Variants in PCDHGB2 observed in about 807,000 individuals in gnomAD.
The protein encoded by PCDHGB2 is protocadherin gamma-B2.
Under a neutral mutation model 59.3 loss-of-function variants are expected in PCDHGB2, and 55 were observed. The ratio of observed to expected loss-of-function variants is 0.93; its 90% CI spans 0.75 to 1.16. The LOEUF is 1.16. Ranked by LOEUF, PCDHGB2 falls within the 50% of genes most tolerant of loss-of-function variation. The pLI, the probability that PCDHGB2 is intolerant of heterozygous loss-of-function variation, is 0.00. For missense variants in PCDHGB2, 1,228 were observed against 1,198.5 expected, an observed-to-expected ratio of 1.02 and a Z score of -0.36; for synonymous variants, 516 against 512.0, an observed-to-expected ratio of 1.01 and a Z score of -0.11.
At position 141,476,638 on chromosome 5, in the gene PCDHGB2, G is replaced by A. The variant is rs997136356; in HGVS notation, c.2422-18169G>A. On this transcript the variant is annotated intron_variant, in intron 1 of 3. Transcript: ENST00000522605. This position sits in a 1 kb window ranked among gnomAD's most constrained non-coding sequence, Gnocchi z 7.6. ...GCAACTCTTTACAAACCTATGAGCT[G>A]AGCCGAAATGAATACTTTGCGCTTC... 1.9e-6 allele frequency: 3 copies of A among 1,614,268 alleles called. No homozygotes were observed. Among genetic ancestry groups the A allele is most frequent in the Middle Eastern group, 1.6e-4 (1 of 6,062 alleles).
chr5:141,482,728 A>T (rs192207285), intron 1 of PCDHGB2, among the ~76,000 whole-genome samples: 97 of 128,396 alleles, frequency 7.6e-4, no homozygotes, highest in Admixed American at 3.3e-3. Context: ...GGGCCATTGC[A>T]AGAAATTCCA....
chr5:141,397,816 A>G (rs1403683863), intron 1 of PCDHGB2, among the ~76,000 whole-genome samples: 2 of 152,230 alleles, frequency 1.3e-5, no homozygotes, highest in African/African-American at 4.8e-5. Context: ...CACAAAAACA[A>G]TTACTGCACT....
At chr5:141,453,311 A>C (rs2098762053) in intron 1 of PCDHGB2, among the ~76,000 whole-genome samples, 1 of 151,602 alleles carries the variant, frequency 6.6e-6, no homozygotes, top group African/African-American at 2.4e-5. Flanking sequence ...TTATTTATTT[A>C]TTTTAGAGAT....
Position 141,409,997 on chromosome 5 carries a change from G to A in PCDHGB2, c.2421+47441G>A. 1.9e-6 allele frequency: 3 copies of A among 1,613,224 alleles called. No homozygotes were observed. The African/African-American group carries it at 4.0e-5, about 22-fold the overall frequency. ...GGTGGTAGCGGTGGACGCCGACTCG[G>A]GACACAACGCCTGGCTGTCCTACCA... On this transcript the variant is annotated intron_variant, in intron 1 of 3. Coordinates refer to ENST00000522605, the MANE Select transcript of PCDHGB2 (RefSeq NM_018923.3).
In PCDHGB2 at chr5:141,408,826, T is replaced by C. The variant is rs138252575; in HGVS notation, c.2421+46270T>C. ...TAGACCGGGAAGAACAGAGATCTCA[T>C]AGCTTGATATTGACTGCCTTGGACG... On this transcript the variant is annotated intron_variant, in intron 1 of 3. Coordinates refer to ENST00000522605, the MANE Select transcript of PCDHGB2 (RefSeq NM_018923.3). The C allele has an allele frequency of 6.1e-5, 98 of 1,613,582 alleles. No homozygotes were observed. The African/African-American group carries it at 9.9e-4, about 16-fold the overall frequency.
chr5:141,475,951 G>A, intron 1 of PCDHGB2: 4 of 766,902 alleles, frequency 5.2e-6, no homozygotes, highest in South Asian at 1.9e-5. Flanking sequence ...CCCTTTCTGC[G>A]CCCCGGGATG....
chr5:141,428,392 T>A, intron 1 of PCDHGB2: 1 of 497,196 alleles, frequency 2.0e-6, no homozygotes, highest in Admixed American at 3.1e-5. Flanking sequence ...TTCCAGCCCC[T>A]CTGCCTGGGG....
chr5:141,385,095 G>A (rs1780850874), intron 1 of PCDHGB2: 9 of 1,614,202 alleles, frequency 5.6e-6, no homozygotes, highest in East Asian at 4.5e-5. Context: ...AAGGTGGCTT[G>A]GCGAACGTGC....
chr5:141,422,686 C>T, intron 1 of PCDHGB2: 1 of 1,605,000 alleles, frequency 6.2e-7, no homozygotes, highest in East Asian at 2.2e-5. Flanking sequence ...ACAGAATGCC[C>T]TGGTCACTTA....
chr5:141,425,836 C>T (rs568578402), intron 1 of PCDHGB2, among the ~76,000 whole-genome samples: 1 of 152,344 alleles, frequency 6.6e-6, no homozygotes, highest in East Asian at 1.9e-4. Context: ...TTTAAATTCT[C>T]TTTGCTGGGT....
At chr5:141,504,384 C>G (rs2099837898) in intron 2 of PCDHGB2, among the ~76,000 whole-genome samples, 1 of 152,026 alleles carries the variant, frequency 6.6e-6, no homozygotes, top group South Asian at 2.1e-4. Flanking sequence ...GAGTCGCTGC[C>G]TCACAGAAGC....
intron 1 of PCDHGB2, among the ~76,000 whole-genome samples, chr5:141,465,966 C>T (rs904439039): frequency 5.3e-5 from 8 of 151,802 alleles, no homozygotes; most frequent in Non-Finnish European, 1.0e-4. Context: ...ACTAAAAATA[C>T]AAAAAATTAG....
In PCDHGB2 at chr5:141,375,370, A is replaced by T. The variant is rs772477616; in HGVS notation, c.2421+12814A>T. ...CTGTGACAGCCACGGACAAAGGAAC[A>T]CCACCTCTGTCTACAGAAACAATCA... On this transcript the variant is annotated intron_variant, in intron 1 of 3. Transcript: ENST00000522605. The T allele has an allele frequency of 2.5e-6, 4 of 1,613,890 alleles. No individual in the cohort carries two copies. In the South Asian group the frequency reaches 4.4e-5, roughly 18 times the overall value.
At chr5:141,395,498 C>T (rs1055094075) in intron 1 of PCDHGB2, 1 of 484,580 alleles carries the variant, frequency 2.1e-6, no homozygotes, top group Non-Finnish European at 3.6e-6. Context: ...CACTCATTCA[C>T]TTAAGAAGTA....
In PCDHGB2 at chr5:141,490,498, T is replaced by C. The variant is rs544031284; in HGVS notation, c.2422-4309T>C. On this transcript the variant is annotated intron_variant, in intron 1 of 3. Coordinates refer to ENST00000522605, the MANE Select transcript of PCDHGB2 (RefSeq NM_018923.3). This position sits in a 1 kb window ranked among gnomAD's most constrained non-coding sequence, Gnocchi z 5.4. ...TTTGGACCGGGAGGCCACATCCCAC[T>C]ATATCATCGAGCTGCTGGCCAGCGA... 1.2e-6 allele frequency: 2 copies of C among 1,614,132 alleles called. No individual in the cohort carries two copies. Among genetic ancestry groups the C allele is most frequent in the African/African-American group, 1.3e-5 (1 of 75,038 alleles).
At chr5:141,410,886 C>A in intron 1 of PCDHGB2, 1 of 290,056 alleles carries the variant, frequency 3.4e-6, no homozygotes, top group Non-Finnish European at 5.6e-6. Flanking sequence ...TGGAGTCTCG[C>A]ACTGTTGCCT....
In PCDHGB2 at chr5:141,432,688, A is replaced by T; in HGVS notation, c.2422-62119A>T. 1 of 1,613,896 alleles carries T rather than the reference A, an allele frequency of 6.2e-7. No homozygotes were observed. The highest frequency in any genetic ancestry group is 1.1e-5 in the South Asian group (1 of 91,078). ...GAGACGCGCTCAAGCAGAGCCTCGTAGTGGCCGTCCAGGACCACGGCCAGC... is the reference window on the plus strand; with the variant it reads ...GAGACGCGCTCAAGCAGAGCCTCGTTGTGGCCGTCCAGGACCACGGCCAGC... On this transcript the variant is annotated intron_variant, in intron 1 of 3. Transcript: ENST00000522605. This position sits in a 1 kb window ranked among gnomAD's most constrained non-coding sequence, Gnocchi z 6.0.
chr5:141,376,178 G>A (rs1249141559), intron 1 of PCDHGB2: 1 of 1,614,106 alleles, frequency 6.2e-7, no homozygotes, highest in Non-Finnish European at 8.5e-7. Context: ...GGCGGTGGCC[G>A]CGGTCTCCTG....
chr5:141,478,718 C>T, intron 1 of PCDHGB2: 1 of 1,544,994 alleles, frequency 6.5e-7, no homozygotes, highest in East Asian at 2.4e-5. Context: ...AGATGGTGGC[C>T]TGCCAGAGTG....
Sources: gnomAD v4.1 joint callset for allele counts (sites outside exome capture counted in the v4.1 genomes callset) on GRCh38, gnomAD v4.1.1 for gene constraint, Gnocchi (gnomAD v3.1) non-coding constraint, MANE v1.5 for transcripts, NCBI Gene and HGNC (gene_info 2026-07-23, HGNC 2026-07-21) for gene names.